Variants in GPATCH2 observed in about 807,000 individuals in gnomAD.
GPATCH2 encodes the protein G-patch domain containing 2, also known as G patch domain-containing protein 2.
Under a neutral mutation model 58.0 loss-of-function variants are expected in GPATCH2, and 51 were observed. The ratio of observed to expected loss-of-function variants is 0.88; its 90% CI spans 0.70 to 1.11. The LOEUF (loss-of-function observed/expected upper bound fraction) is 1.11. Ranked by LOEUF, GPATCH2 falls within the 50% of genes most tolerant of loss-of-function variation. GPATCH2 has a pLI of 0.00. For synonymous variants in GPATCH2, 222 were observed against 218.5 expected (o/e 1.02, Z -0.14); for missense variants, 625 against 652.2 (o/e 0.96, Z 0.45).
chr1:217,575,447 C>T (rs1196744030), intron 5 of GPATCH2, among the ~76,000 whole-genome samples: 2 of 152,102 alleles, frequency 1.3e-5, no homozygotes, highest in Admixed American at 6.5e-5. Context: ...ACCAGGTAAG[C>T]ATACTTAATA....
At chr1:217,599,808 T>C (rs534429850) in intron 5 of GPATCH2, among the ~76,000 whole-genome samples, 1 of 152,324 alleles carries the variant, frequency 6.6e-6, no homozygotes, top group Non-Finnish European at 1.5e-5. Flanking sequence ...TAAAATACTT[T>C]TGTGAATTTT....
chr1:217,565,006 C>G (rs1037064312), intron 5 of GPATCH2, among the ~76,000 whole-genome samples: 1 of 152,172 alleles, frequency 6.6e-6, no homozygotes, highest in African/African-American at 2.4e-5. Context: ...AATGTTTAAA[C>G]AGTGCTGAGC....
rs1168175978 is a variant in GPATCH2 at position 217,584,330 on chromosome 1, T to TAA, written c.1098+25989_1098+25990dup. 9.1e-3 allele frequency among the ~76,000 whole-genome samples: 818 copies of TAA among 89,422 alleles called. 9 individuals are homozygous for TAA. The highest frequency in any genetic ancestry group is 0.021 in the Middle Eastern group (4 of 188). 58.7% of individuals were successfully genotyped at this position (89,422 alleles called of 152,430 possible). On this transcript the variant is annotated intron_variant, in intron 5 of 9. Transcript: ENST00000366935. ...CAACATGGTGAAACCTCACCTCTAC[T>TAA]AAAAAAAAAAAAAAATATATATATA... is the stretch of plus-strand genomic sequence containing the variant.
chr1:217,557,871 C>G (rs1365902860), intron 5 of GPATCH2, among the ~76,000 whole-genome samples: 14 of 152,104 alleles, frequency 9.2e-5, no homozygotes, highest in Admixed American at 9.2e-4. Context: ...AGTACATGAC[C>G]ATCATACCGT....
At chr1:217,576,047 A>T (rs1016599129) in intron 5 of GPATCH2, among the ~76,000 whole-genome samples, 11 of 152,150 alleles carry the variant, frequency 7.2e-5, no homozygotes, top group Non-Finnish European at 1.2e-4. Context: ...AAATGAATGT[A>T]CAAAAGGCAT....
chr1:217,514,295 G>T (rs981057767), intron 6 of GPATCH2, among the ~76,000 whole-genome samples: 1 of 151,816 alleles, frequency 6.6e-6, no homozygotes, highest in Non-Finnish European at 1.5e-5. Flanking sequence ...GAGTAGCTGG[G>T]ATTACAGGCA....
At chr1:217,583,570 C>CAAAAA (rs60392448) in intron 5 of GPATCH2, among the ~76,000 whole-genome samples, 2 of 65,168 alleles carry the variant, frequency 3.1e-5, no homozygotes, top group African/African-American at 6.2e-5. Context: ...GACTCTGTCT[C>CAAAAA]AAAAAAAAAA....
At chr1:217,457,343 C>T (rs1659990526) in intron 8 of GPATCH2, among the ~76,000 whole-genome samples, 1 of 152,188 alleles carries the variant, frequency 6.6e-6, no homozygotes, top group Non-Finnish European at 1.5e-5. Flanking sequence ...CTTACATTCT[C>T]TTTGCCTCAA....
At position 217,598,787 on chromosome 1, in the gene GPATCH2, A is replaced by C. The variant is rs115650058; in HGVS notation, c.1098+11534T>G. ...GCCTAAAAAAATATTAAACACATAC[A>C]ATGTGCTAATAGCTCCCATCGTTGG... On this transcript the variant is annotated intron_variant, in intron 5 of 9. Coordinates refer to ENST00000366935, the MANE Select transcript of GPATCH2 (RefSeq NM_018040.5). Among the ~76,000 whole-genome samples the C allele has an allele frequency of 3.0e-3, 457 of 152,296 alleles. 5 individuals are homozygous for C. Among genetic ancestry groups the C allele is most frequent in the African/African-American group, 0.011 (445 of 41,564 alleles).
intron 5 of GPATCH2, among the ~76,000 whole-genome samples, chr1:217,555,793 GT>G (rs1665589334): frequency 6.6e-6 from 1 of 152,092 alleles, no homozygotes; most frequent in Non-Finnish European, 1.5e-5. Flanking sequence ...TCTCCTTAAA[GT>G]TTATGAACAT....
At chr1:217,442,034 C>T (rs948486540) in intron 9 of GPATCH2, among the ~76,000 whole-genome samples, 1 of 152,194 alleles carries the variant, frequency 6.6e-6, no homozygotes, top group African/African-American at 2.4e-5. Flanking sequence ...TATAAAGACA[C>T]ATGCACATGT....
chr1:217,469,846 G>A (rs1473650988), intron 8 of GPATCH2, among the ~76,000 whole-genome samples: 2 of 152,088 alleles, frequency 1.3e-5, no homozygotes, highest in East Asian at 1.9e-4. Flanking sequence ...TCCTGAGGAC[G>A]GTAAGGTACA....
chr1:217,448,529 T>G (rs1005067633), intron 9 of GPATCH2, among the ~76,000 whole-genome samples: 2 of 152,202 alleles, frequency 1.3e-5, no homozygotes, highest in Non-Finnish European at 2.9e-5. Flanking sequence ...TGCTCTTGCA[T>G]GAGACTTTCA....
chr1:217,597,096 G>A (rs946669023), intron 5 of GPATCH2, among the ~76,000 whole-genome samples: 18 of 151,964 alleles, frequency 1.2e-4, no homozygotes, highest in African/African-American at 3.9e-4. Flanking sequence ...AGGCTAAGGC[G>A]GGAGGATCAC....
rs1481484173 is a variant in GPATCH2, at chr1:217,611,057, T to G, written c.850A>C (p.Ser284Arg). The change falls in exon 4 of 10, where the codon AGT (serine) becomes CGT (arginine). Residue 284 changes from serine (S) to arginine (R), a missense_variant. Coordinates refer to ENST00000366935, the MANE Select transcript of GPATCH2 (RefSeq NM_018040.5). ...GATTCCTTTTCGTAGAACCAGTCAC[T>G]CTGTTCATCATCACCTGTGCAAATA... Reference protein sequence around the residue: ...DEGRQGDDEQSDWFYEKESGG... With the variant: ...DEGRQGDDEQRDWFYEKESGG... 3.1e-6 allele frequency: 5 copies of G among 1,613,124 alleles called. No homozygotes were observed. The South Asian group carries it at 5.5e-5, about 18-fold the overall frequency.
chr1:217,454,605 A>AG (rs1553322666), intron 8 of GPATCH2, among the ~76,000 whole-genome samples: 2 of 150,596 alleles, frequency 1.3e-5, no homozygotes, highest in Non-Finnish European at 3.0e-5. Flanking sequence ...AAAAAAAAAA[A>AG]AAAAACCTTT....
chr1:217,611,180 T>C (rs1252079858), intron 3 of GPATCH2, 109 bp from the exon 4 acceptor site: 2 of 995,350 alleles, frequency 2.0e-6, no homozygotes, highest in African/African-American at 1.6e-5. Flanking sequence ...TAAATTTGAA[T>C]TTGAGATCAA....
intron 5 of GPATCH2, among the ~76,000 whole-genome samples, chr1:217,551,967 C>T (rs1031838600): frequency 1.3e-5 from 2 of 152,030 alleles, no homozygotes; most frequent in African/African-American, 2.4e-5. Flanking sequence ...ACATTACAGG[C>T]TAAGAACTTT....
At chr1:217,548,910 C>A (rs2102662685) in intron 5 of GPATCH2, among the ~76,000 whole-genome samples, 1 of 152,178 alleles carries the variant, frequency 6.6e-6, no homozygotes, top group South Asian at 2.1e-4. Flanking sequence ...TATAGTATAC[C>A]CAGTCTCGGG....
Sources: allele counts gnomAD v4.1 joint callset (sites outside exome capture counted in the v4.1 genomes callset), GRCh38; gene constraint gnomAD v4.1.1; transcripts MANE v1.5; gene names NCBI Gene and HGNC (gene_info 2026-07-23, HGNC 2026-07-21).